Variants in TRPM7 observed in about 807,000 individuals in gnomAD.
TRPM7 encodes the protein transient receptor potential cation channel subfamily M member 7, also known as LTRPC ion channel family member 7.
TRPM7 carries 134 observed loss-of-function variants against 229.7 expected under a neutral mutation model. The observed-to-expected ratio is 0.58, with a 90% CI of 0.51 to 0.67. TRPM7 has a LOEUF of 0.67. TRPM7 is among the 30% of genes least tolerant of loss of function. The pLI is 0.00. For missense variants in TRPM7, 1,901 were observed against 2,210.0 expected, an observed-to-expected ratio of 0.86 and a Z score of 2.80; for synonymous variants, 699 against 715.2, an observed-to-expected ratio of 0.98 and a Z score of 0.36.
At position 50,586,452 on chromosome 15, in the gene TRPM7, T is replaced by C; in HGVS notation, c.4426A>G (p.Ser1476Gly). The change falls in exon 28 of 39, where the codon AGT becomes GGT. Residue 1476 changes from serine (S) to glycine (G), a missense_variant. Around this residue, in one of 8 missense-constraint regions of TRPM7, gnomAD observed 533 missense variants for 497.1 expected, o/e 1.07. Transcript: ENST00000646667. ...NTSENTLKRV[S>G]SLAGFTDCHR... is the part of the protein sequence containing the mutation. ...CAGTCAGTAAATCCAGCAAGAGAAC[T>C]CACTCGTTTCAAAGTGTTTTCAGAA... 6.2e-7 allele frequency: 1 copy of C among 1,613,210 alleles called. No homozygotes were observed. The highest frequency in any genetic ancestry group is 8.5e-7 in the Non-Finnish European group (1 of 1,179,310).
chr15:50,655,857 G>A (rs575224203), intron 3 of TRPM7, among the ~76,000 whole-genome samples: 2 of 152,224 alleles, frequency 1.3e-5, no homozygotes, highest in African/African-American at 4.8e-5. Flanking sequence ...AGGCATGGTG[G>A]TGTGTGCCTG....
At chr15:50,589,848 T>TTTTTTTGC (rs1555406507) in intron 26 of TRPM7, among the ~76,000 whole-genome samples, 192 bp from the exon 27 acceptor site, 1 of 137,198 alleles carries the variant, frequency 7.3e-6, no homozygotes, top group Admixed American at 7.0e-5. Flanking sequence ...AGGTTACAGT[T>TTTTTTTGC]TTTTTTGTTT....
chr15:50,637,815 C>T (rs147434965), intron 6 of TRPM7, among the ~76,000 whole-genome samples: 121 of 152,322 alleles, frequency 7.9e-4, no homozygotes, highest in African/African-American at 2.8e-3. Flanking sequence ...TTGACCCATA[C>T]TGCAGAATTA....
chr15:50,666,812 G>C (rs2061894291), intron 1 of TRPM7, among the ~76,000 whole-genome samples: 1 of 151,966 alleles, frequency 6.6e-6, no homozygotes, highest in Admixed American at 6.6e-5. Flanking sequence ...CAAAAAAAAA[G>C]AAGAGGCGGT....
intron 31 of TRPM7, among the ~76,000 whole-genome samples, chr15:50,577,555 C>T (rs902766243): frequency 6.6e-6 from 1 of 152,050 alleles, no homozygotes; most frequent in African/African-American, 2.4e-5. Flanking sequence ...CTCCTTCTCA[C>T]CCGGGGGCAG....
intron 36 of TRPM7, among the ~76,000 whole-genome samples, chr15:50,573,135 A>G (rs1410148940): frequency 6.6e-6 from 1 of 152,162 alleles, no homozygotes; most frequent in East Asian, 1.9e-4. Flanking sequence ...GATGGCTATG[A>G]GCAATTTTTC....
At chr15:50,646,554 G>A (rs188796213) in intron 4 of TRPM7, among the ~76,000 whole-genome samples, 83 of 152,304 alleles carry the variant, frequency 5.4e-4, no homozygotes, top group African/African-American at 1.8e-3. Context: ...AAAGTGCTGA[G>A]ATTACAGGCA....
intron 13 of TRPM7, among the ~76,000 whole-genome samples, chr15:50,614,610 A>G (rs1421282761): frequency 3.4e-5 from 5 of 147,814 alleles, no homozygotes; most frequent in Non-Finnish European, 5.9e-5. Context: ...AGTTGCAGTG[A>G]GCCAAGATCG....
intron 3 of TRPM7, among the ~76,000 whole-genome samples, chr15:50,655,210 C>T (rs1025108697): frequency 1.3e-4 from 19 of 150,958 alleles, no homozygotes; most frequent in Admixed American, 4.6e-4. Flanking sequence ...CCAAGGCGGG[C>T]GAATCACGAG....
intron 17 of TRPM7, among the ~76,000 whole-genome samples, chr15:50,610,556 A>T (rs544785358): frequency 5.4e-4 from 82 of 152,280 alleles, no homozygotes; most frequent in African/African-American, 1.9e-3. Context: ...ATTTTAAAAG[A>T]TATAAGATAA....
chr15:50,581,911 T>C (rs2054433537), intron 29 of TRPM7, among the ~76,000 whole-genome samples: 1 of 152,152 alleles, frequency 6.6e-6, no homozygotes, highest in Admixed American at 6.6e-5. Context: ...TGCATTCTGA[T>C]CCAGTTTAGT....
At chr15:50,664,616 T>C (rs2061832863) in intron 1 of TRPM7, among the ~76,000 whole-genome samples, 1 of 152,184 alleles carries the variant, frequency 6.6e-6, no homozygotes, top group Non-Finnish European at 1.5e-5. Context: ...TAGACAAATC[T>C]AGGCTCACAG....
intron 17 of TRPM7, among the ~76,000 whole-genome samples, chr15:50,610,364 A>C (rs191254472): frequency 3.9e-5 from 6 of 152,230 alleles, no homozygotes; most frequent in African/African-American, 1.4e-4. Flanking sequence ...TCCATGTCAT[A>C]ATGTGATTAC....
chr15:50,680,442 A>G lies in TRPM7; in HGVS notation c.3+6089T>C, dbSNP rs180913077. On this transcript the variant is annotated intron_variant, in intron 1 of 38. Coordinates refer to ENST00000646667, the MANE Select transcript of TRPM7 (RefSeq NM_017672.6). ...AAAAGTAGCCCAATGTGGTGGCGCA[A>G]CCTGTAACCTCAGCTACTTGGGAAG... is the stretch of plus-strand genomic sequence containing the variant. Among the ~76,000 whole-genome samples the G allele has an allele frequency of 4.7e-5, 7 of 149,862 alleles. No individual in the cohort carries two copies. In the East Asian group the frequency reaches 1.4e-3, roughly 30 times the overall value.
At chr15:50,567,812 G>C (rs1332770205) in intron 38 of TRPM7, among the ~76,000 whole-genome samples, 2 of 152,040 alleles carry the variant, frequency 1.3e-5, no homozygotes, top group Non-Finnish European at 2.9e-5. Flanking sequence ...GAGTAGGCCG[G>C]GCACGGTGGC....
At chr15:50,667,988 AATTATGATT>A (rs1276873111) in intron 1 of TRPM7, among the ~76,000 whole-genome samples, 2 of 152,104 alleles carry the variant, frequency 1.3e-5, no homozygotes, top group African/African-American at 4.8e-5. Flanking sequence ...TATCAGCAGT[AATTATGATT>A]ATTATGTTAA....
intron 7 of TRPM7, among the ~76,000 whole-genome samples, chr15:50,635,528 T>C (rs1159441181): frequency 6.7e-6 from 1 of 149,804 alleles, no homozygotes; most frequent in Admixed American, 6.7e-5. Context: ...CCGGGCATGG[T>C]GGCATGCGCC....
chr15:50,676,667 T>C (rs1478763088), intron 1 of TRPM7, among the ~76,000 whole-genome samples: 1 of 152,052 alleles, frequency 6.6e-6, no homozygotes, highest in Non-Finnish European at 1.5e-5. Context: ...AGGAATGGTA[T>C]TGAGTGAGTT....
intron 21 of TRPM7, 73 bp downstream of exon 21, chr15:50,604,793 T>A: frequency 7.2e-7 from 1 of 1,391,724 alleles, no homozygotes; most frequent in South Asian, 1.5e-5. Flanking sequence ...AATAAAACTA[T>A]GTTAATAACA....
Sources: allele counts gnomAD v4.1 joint callset (sites outside exome capture counted in the v4.1 genomes callset), GRCh38; gene constraint gnomAD v4.1.1; regional missense constraint gnomAD v4.1.1; transcripts MANE v1.5; gene names NCBI Gene and HGNC (gene_info 2026-07-23, HGNC 2026-07-21).